RARB: variants seen among roughly 807,000 people sequenced by gnomAD.
RARB encodes retinoic acid receptor beta, also known as HBV-activated protein.
In RARB, 17 loss-of-function variants were observed where a neutral mutation model predicts 51.9. The ratio of observed to expected loss-of-function variants is 0.33; its 90% CI spans 0.22 to 0.49. The LOEUF (loss-of-function observed/expected upper bound fraction) is 0.49, where lower values mean the gene tolerates loss of function less well. Among genes scored for constraint, RARB ranks in the 20% least tolerant of loss-of-function variants. The probability of loss-of-function intolerance (pLI) is 0.99; values close to 1 mark genes in which losing one functional copy is unlikely to be tolerated. For missense variants in RARB, 369 were observed against 550.8 expected, an observed-to-expected ratio of 0.67 and a Z score of 3.30; for synonymous variants, 215 against 195.4, an observed-to-expected ratio of 1.10 and a Z score of -0.84.
At chr3:25,499,429 G>A (rs961113782) in intron 2 of RARB, among the ~76,000 whole-genome samples, 37 of 152,154 alleles carry the variant, frequency 2.4e-4, no homozygotes, top group African/African-American at 8.2e-4. Flanking sequence ...GAGAGAAAAG[G>A]CAGCAGGTAT....
intron 5 of RARB, among the ~76,000 whole-genome samples, chr3:25,263,953 T>A (rs1473915701): frequency 6.6e-6 from 1 of 152,144 alleles, no homozygotes; most frequent in Non-Finnish European, 1.5e-5. Flanking sequence ...AGCTCTAGAA[T>A]GTAATAGAAG....
chr3:25,222,360 G>A (rs778565567), intron 5 of RARB, among the ~76,000 whole-genome samples: 11 of 152,046 alleles, frequency 7.2e-5, no homozygotes, highest in Non-Finnish European at 1.5e-4. Context: ...GTTCTTACTC[G>A]TCCAAGGATG....
At chr3:25,569,967 C>G in intron 4 of RARB, 49 bp downstream of exon 4, 2 of 1,492,266 alleles carry the variant, frequency 1.3e-6, no homozygotes, top group Non-Finnish European at 1.8e-6. Context: ...AAACCTTGTA[C>G]GTGCATGTGT....
At chr3:25,419,740 A>T (rs979933383) in intron 5 of RARB, among the ~76,000 whole-genome samples, 14 of 152,282 alleles carry the variant, frequency 9.2e-5, no homozygotes, top group Non-Finnish European at 1.8e-4. Context: ...CAGATCCTAC[A>T]TTTTAGCATT....
intron 3 of RARB, among the ~76,000 whole-genome samples, chr3:25,083,891 G>A (rs1228459872): frequency 1.3e-5 from 2 of 152,076 alleles, no homozygotes; most frequent in Admixed American, 6.6e-5. Flanking sequence ...TTAAGATATG[G>A]CCTTTATAAG....
At chr3:25,556,669 C>T (rs1377775243) in intron 3 of RARB, among the ~76,000 whole-genome samples, 2 of 152,154 alleles carry the variant, frequency 1.3e-5, no homozygotes, top group Non-Finnish European at 2.9e-5. Context: ...GGAAGTAAAT[C>T]ATGCCATTGA....
intron 5 of RARB, among the ~76,000 whole-genome samples, chr3:25,325,915 A>G (rs1399776837): frequency 6.6e-6 from 1 of 152,240 alleles, no homozygotes; most frequent in Non-Finnish European, 1.5e-5. Flanking sequence ...GTTTTAGCTA[A>G]GTCCAAGACC....
At chr3:25,506,948 CCTT>C (rs1697637209) in intron 3 of RARB, among the ~76,000 whole-genome samples, 1 of 152,348 alleles carries the variant, frequency 6.6e-6, no homozygotes, top group East Asian at 1.9e-4. Flanking sequence ...GGATTTACCT[CCTT>C]CTCCATCAGT....
At chr3:25,350,916 G>A (rs1263789746) in intron 5 of RARB, among the ~76,000 whole-genome samples, 2 of 152,158 alleles carry the variant, frequency 1.3e-5, no homozygotes, top group South Asian at 2.1e-4. Flanking sequence ...ATTGTTTGGA[G>A]GTGTCAATGG....
intron 7 of RARB, among the ~76,000 whole-genome samples, chr3:25,595,900 ATTG>A (rs1308979696): frequency 6.6e-6 from 1 of 152,170 alleles, no homozygotes; most frequent in Non-Finnish European, 1.5e-5. Flanking sequence ...CTCTTTGTAA[ATTG>A]TTATTTCCTG....
At chr3:25,071,518 C>T (rs1275452360) in intron 3 of RARB, among the ~76,000 whole-genome samples, 2 of 152,156 alleles carry the variant, frequency 1.3e-5, no homozygotes, top group Non-Finnish European at 2.9e-5. Context: ...GAAACTCCTT[C>T]TTGCCAAACG....
chr3:25,356,141 C>T (rs1250979801), intron 5 of RARB, among the ~76,000 whole-genome samples: 4 of 151,962 alleles, frequency 2.6e-5, no homozygotes, highest in South Asian at 2.1e-4. Context: ...GTATCTATAG[C>T]GATGTTAGTG....
intron 5 of RARB, among the ~76,000 whole-genome samples, chr3:25,211,300 T>TA (rs1701690442): frequency 6.6e-6 from 1 of 152,186 alleles, no homozygotes; most frequent in Admixed American, 6.5e-5. Context: ...GGGAAAGGAA[T>TA]AAGCCTTCAT....
intron 5 of RARB, among the ~76,000 whole-genome samples, chr3:25,349,430 A>G (rs1705492732): frequency 6.6e-6 from 1 of 152,164 alleles, no homozygotes; most frequent in African/African-American, 2.4e-5. Context: ...ATGCTAACTG[A>G]GGTCAATTCT....
intron 3 of RARB, among the ~76,000 whole-genome samples, chr3:25,544,352 T>A (rs1359025396): frequency 6.6e-6 from 1 of 152,242 alleles, no homozygotes; most frequent in African/African-American, 2.4e-5. Context: ...ATGTTGTTTT[T>A]TAAATGATAC....
rs147337377 is a variant in RARB, at chr3:25,238,220, T to A, written c.178+63645T>A. On this transcript the variant is annotated intron_variant, in intron 5 of 11. Transcript: ENST00000383772. Reference sequence around the variant, plus strand: ...TCTCTACCTTTATGAGATCCACTTTTTTTAGTTCCTACATATGAATGAAAA... The same window carrying A: ...TCTCTACCTTTATGAGATCCACTTTATTTAGTTCCTACATATGAATGAAAA... Among the ~76,000 whole-genome samples, 936 of 152,248 alleles carry A rather than the reference T, an allele frequency of 6.1e-3. 4 individuals are homozygous for A. The highest frequency in any genetic ancestry group is 0.011 in the Non-Finnish European group (757 of 67,998).
At chr3:25,489,364 T>C (rs954943540) in intron 2 of RARB, among the ~76,000 whole-genome samples, 1 of 152,238 alleles carries the variant, frequency 6.6e-6, no homozygotes, top group African/African-American at 2.4e-5. Context: ...TTTATGATAT[T>C]AGAGTTTTAC....
chr3:25,308,634 G>C (rs1002700753), intron 5 of RARB, among the ~76,000 whole-genome samples: 2 of 151,664 alleles, frequency 1.3e-5, no homozygotes, highest in African/African-American at 4.8e-5. Flanking sequence ...TTTTTAGTAG[G>C]ACAGGGTTTC....
intron 5 of RARB, among the ~76,000 whole-genome samples, chr3:25,298,283 T>A (rs1185918447): frequency 6.6e-6 from 1 of 151,682 alleles, no homozygotes; most frequent in East Asian, 1.9e-4. Flanking sequence ...CCCGGTTTCA[T>A]GCAATTCTCC....
Sources: gnomAD v4.1 joint callset for allele counts (sites outside exome capture counted in the v4.1 genomes callset) on GRCh38, gnomAD v4.1.1 for gene constraint, MANE v1.5 for transcripts, NCBI Gene and HGNC (gene_info 2026-07-23, HGNC 2026-07-21) for gene names.